The following TOX variants were observed in gnomAD, a reference collection of about 807,000 sequenced individuals.
The protein encoded by TOX is thymocyte selection associated high mobility group box, also known as thymocyte selection-associated high mobility group box protein TOX.
A neutral mutation model predicts 53.7 loss-of-function variants in TOX; 11 were observed. That is an observed-to-expected ratio of 0.20 (90% CI 0.13 to 0.34). TOX has a LOEUF of 0.34. TOX is among the 10% of genes least tolerant of loss of function. The probability of loss-of-function intolerance (pLI) is 1.00; values close to 1 mark genes in which losing one functional copy is unlikely to be tolerated. For synonymous variants in TOX, 225 were observed against 245.3 expected, an observed-to-expected ratio of 0.92 and a Z score of 0.77; for missense variants, 570 against 664.6, an observed-to-expected ratio of 0.86 and a Z score of 1.56.
intron 3 of TOX, among the ~76,000 whole-genome samples, chr8:58,912,008 C>G (rs1438772210): frequency 5.3e-5 from 8 of 152,188 alleles, no homozygotes; most frequent in Admixed American, 5.2e-4. Context: ...GGCCCAAATA[C>G]TTTTCAATGC....
chr8:58,925,811 C>G (rs1192898774), intron 3 of TOX, among the ~76,000 whole-genome samples: 2 of 152,178 alleles, frequency 1.3e-5, no homozygotes, highest in African/African-American at 4.8e-5. Context: ...ATACTGCGCT[C>G]TGAGAAACAG....
intron 1 of TOX, among the ~76,000 whole-genome samples, chr8:59,056,159 C>G (rs985724976): frequency 5.3e-5 from 8 of 151,982 alleles, no homozygotes; most frequent in Admixed American, 3.9e-4. Flanking sequence ...GGTGTGGTGA[C>G]TCATGCCTAT....
At chr8:59,094,726 A>G (rs1414490323) in intron 1 of TOX, among the ~76,000 whole-genome samples, 3 of 152,144 alleles carry the variant, frequency 2.0e-5, no homozygotes, top group Admixed American at 1.3e-4. Context: ...TTGGAAGCAA[A>G]CCCGCAGACC....
intron 5 of TOX, among the ~76,000 whole-genome samples, chr8:58,828,052 A>C (rs1810393693): frequency 6.6e-6 from 1 of 152,228 alleles, no homozygotes; most frequent in African/African-American, 2.4e-5. Context: ...CAGTATTGAA[A>C]AGTGGCTTCA....
intron 7 of TOX, 61 bp from the exon 8 acceptor site, chr8:58,808,330 T>G: frequency 6.4e-7 from 1 of 1,551,300 alleles, no homozygotes; most frequent in East Asian, 2.3e-5. Flanking sequence ...GAAAAGCACC[T>G]AAATATTTAT....
intron 3 of TOX, among the ~76,000 whole-genome samples, chr8:58,905,008 C>T (rs1811789069): frequency 6.6e-6 from 1 of 152,232 alleles, no homozygotes; most frequent in Admixed American, 6.5e-5. Flanking sequence ...TCTTGGCTCA[C>T]TGCAAGCTCC....
intron 2 of TOX, among the ~76,000 whole-genome samples, chr8:58,954,860 G>T (rs1284915192): frequency 6.6e-6 from 1 of 152,200 alleles, no homozygotes; most frequent in Non-Finnish European, 1.5e-5. Context: ...TGAACAGGTG[G>T]TGTTAACACT....
intron 1 of TOX, among the ~76,000 whole-genome samples, chr8:58,994,415 TGTGTGC>T (rs1204511428): frequency 0.027 from 3,547 of 129,694 alleles, 127 homozygotes; most frequent in African/African-American, 0.1. Context: ...TGTGTGTGTG[TGTGTGC>T]GCGCGCGCAT....
chr8:59,092,273 AT>A (rs1804625646), intron 1 of TOX, among the ~76,000 whole-genome samples: 2 of 113,748 alleles, frequency 1.8e-5, no homozygotes, highest in South Asian at 2.2e-4. Context: ...TTTTATATAT[AT>A]ATATATATTA....
At position 58,970,941 on chromosome 8, in the gene TOX, C is replaced by T. The variant is rs554981455; in HGVS notation, c.103-10933G>A. Among the ~76,000 whole-genome samples, 43 of 152,334 alleles carry T rather than the reference C, an allele frequency of 2.8e-4. 1 individual carries two copies. The South Asian group carries it at 8.9e-3, about 32-fold the overall frequency. ...TTCCAGGGATACTGGAAAAAAGTTT[C>T]TGTAAACCAGATCCTACTTTAGTTT... On this transcript the variant is annotated intron_variant, in intron 1 of 8. Coordinates refer to ENST00000361421, the MANE Select transcript of TOX (RefSeq NM_014729.3).
intron 1 of TOX, among the ~76,000 whole-genome samples, chr8:59,025,250 G>A (rs891903099): frequency 4.6e-5 from 7 of 152,078 alleles, no homozygotes; most frequent in East Asian, 1.9e-4. Flanking sequence ...GCTATTTCTC[G>A]AGTGGGACTT....
chr8:58,867,262 T>TATTTGTTATATAAAATAACAA (rs1175676032), intron 3 of TOX, among the ~76,000 whole-genome samples: 28 of 152,300 alleles, frequency 1.8e-4, no homozygotes, highest in Admixed American at 1.3e-3. Context: ...AAGACTAAAA[T>TATTTGTTATATAAAATAACAA]CACTTATATT....
At chr8:59,021,481 A>AAAAAAAAATATATAT (rs59174995) in intron 1 of TOX, among the ~76,000 whole-genome samples, 7 of 64,740 alleles carry the variant, frequency 1.1e-4, no homozygotes, top group Non-Finnish European at 1.2e-4. Context: ...AAAAAAAAAA[A>AAAAAAAAATATATAT]ATATATATAT....
At chr8:59,085,183 T>C (rs1033936784) in intron 1 of TOX, among the ~76,000 whole-genome samples, 2 of 152,222 alleles carry the variant, frequency 1.3e-5, no homozygotes, top group South Asian at 2.1e-4. Flanking sequence ...AAGCAATCCC[T>C]TTCACTTTCA....
intron 1 of TOX, among the ~76,000 whole-genome samples, chr8:59,042,854 G>A (rs756317810): frequency 9.2e-5 from 14 of 151,886 alleles, no homozygotes; most frequent in Non-Finnish European, 1.5e-4. Context: ...TGTATTTATG[G>A]GGTACAATGT....
intron 1 of TOX, among the ~76,000 whole-genome samples, chr8:59,112,696 G>T (rs1219746366): frequency 6.6e-6 from 1 of 152,140 alleles, no homozygotes; most frequent in African/African-American, 2.4e-5. Context: ...AAACAAATAA[G>T]GGAGCGTTCC....
chr8:59,092,263 TTTTATATA>T (rs1295968407), intron 1 of TOX, among the ~76,000 whole-genome samples: 1 of 48,832 alleles, frequency 2.0e-5, no homozygotes, highest in East Asian at 7.5e-4. Flanking sequence ...TATATATATA[TTTTATATA>T]TATATATATA....
intron 3 of TOX, among the ~76,000 whole-genome samples, chr8:58,908,688 T>G (rs1811860837): frequency 6.6e-6 from 1 of 152,222 alleles, no homozygotes; most frequent in Non-Finnish European, 1.5e-5. Flanking sequence ...GACCATTGAG[T>G]ATTTATTCAT....
chr8:59,054,970 A>AGGGACGG (rs1803864958), intron 1 of TOX, among the ~76,000 whole-genome samples: 1 of 142,900 alleles, frequency 7.0e-6, no homozygotes, highest in East Asian at 2.2e-4. Context: ...GGGAGGAAGG[A>AGGGACGG]AGGGACGGAG....
Sources: allele counts gnomAD v4.1 joint callset (sites outside exome capture counted in the v4.1 genomes callset), GRCh38; gene constraint gnomAD v4.1.1; transcripts MANE v1.5; gene names NCBI Gene and HGNC (gene_info 2026-07-23, HGNC 2026-07-21).